Variants in DAPL1 observed in about 807,000 individuals in gnomAD.
DAPL1 encodes death associated protein like 1, also known as death-associated protein-like 1.
DAPL1 carries 17 observed loss-of-function variants against 12.9 expected under a neutral mutation model. That is an observed-to-expected ratio of 1.32 (90% CI 0.90 to 1.98). The LOEUF (loss-of-function observed/expected upper bound fraction) is 1.98, where lower values mean the gene tolerates loss of function less well. Ranked by LOEUF, DAPL1 falls within the 30% of genes most tolerant of loss-of-function variation. The pLI is 0.00. For missense variants in DAPL1, 157 were observed against 125.7 expected, an observed-to-expected ratio of 1.25 and a Z score of -1.19; for synonymous variants, 51 against 42.0, an observed-to-expected ratio of 1.21 and a Z score of -0.82.
chr2:158,813,501 A>G (rs560646542), intron 3 of DAPL1, among the ~76,000 whole-genome samples: 1 of 152,160 alleles, frequency 6.6e-6, no homozygotes, highest in South Asian at 2.1e-4. Context: ...TTAGTGCCCA[A>G]CTAAGCAGCA....
chr2:158,814,278 A>G (rs2059248057), intron 3 of DAPL1, among the ~76,000 whole-genome samples: 1 of 152,206 alleles, frequency 6.6e-6, no homozygotes, highest in Admixed American at 6.5e-5. Context: ...GTCTGATGAT[A>G]ACTGACCTGA....
intron 3 of DAPL1, among the ~76,000 whole-genome samples, chr2:158,809,357 C>CAA (rs10526986): frequency 2.7e-4 from 19 of 69,528 alleles, no homozygotes; most frequent in African/African-American, 7.1e-4. Flanking sequence ...GACTCCATCT[C>CAA]AAAAAAAAAA....
rs113882243 is a variant in DAPL1 at position 158,803,259 on chromosome 2, T to A, written c.59-1023T>A. 1.1e-3 allele frequency among the ~76,000 whole-genome samples: 169 copies of A among 152,330 alleles called. 1 individual carries two copies. Among genetic ancestry groups the A allele is most frequent in the African/African-American group, 3.8e-3 (157 of 41,588 alleles). On this transcript the variant is annotated intron_variant, in intron 1 of 3. Transcript: ENST00000309950. ...GGGAGACTGCAGACCTTTTTATGGCTTTTGAATTTTGGGCCTTATGCAGAT... is the reference window on the plus strand; with the variant it reads ...GGGAGACTGCAGACCTTTTTATGGCATTTGAATTTTGGGCCTTATGCAGAT...
intron 1 of DAPL1, among the ~76,000 whole-genome samples, chr2:158,796,844 T>C (rs1002828735): frequency 3.3e-5 from 5 of 152,148 alleles, no homozygotes; most frequent in African/African-American, 1.2e-4. Context: ...ATCAAGCATG[T>C]CACAATGCCT....
intron 3 of DAPL1, among the ~76,000 whole-genome samples, chr2:158,810,203 A>T (rs949337500): frequency 2.0e-5 from 3 of 152,206 alleles, no homozygotes; most frequent in African/African-American, 7.2e-5. Context: ...ATGAATCGAT[A>T]TATAAAAGAT....
chr2:158,797,790 T>C (rs2059143112), intron 1 of DAPL1, among the ~76,000 whole-genome samples: 1 of 140,396 alleles, frequency 7.1e-6, no homozygotes, highest in African/African-American at 2.5e-5. Flanking sequence ...AGACCCCGTC[T>C]GAAAAAAAAA....
intron 2 of DAPL1, 49 bp downstream of exon 2, chr2:158,804,418 T>C: frequency 7.3e-7 from 1 of 1,370,036 alleles, no homozygotes; most frequent in East Asian, 2.4e-5. Context: ...TTTGAGTGAC[T>C]CTGCCTCCAG....
At chr2:158,813,428 A>G (rs1201906906) in intron 3 of DAPL1, among the ~76,000 whole-genome samples, 2 of 152,168 alleles carry the variant, frequency 1.3e-5, no homozygotes, top group South Asian at 2.1e-4. Context: ...CAATTTTTTT[A>G]TATGCCCAAA....
chr2:158,804,604 C>T (rs1250487534), intron 2 of DAPL1, among the ~76,000 whole-genome samples: 1 of 152,186 alleles, frequency 6.6e-6, no homozygotes, highest in Non-Finnish European at 1.5e-5. Flanking sequence ...CACCCATTCT[C>T]CTCCTGTCTG....
intron 2 of DAPL1, among the ~76,000 whole-genome samples, chr2:158,805,137 C>T (rs1004350598): frequency 3.9e-5 from 6 of 152,312 alleles, no homozygotes; most frequent in African/African-American, 1.4e-4. Flanking sequence ...ATGCTCCAGG[C>T]ACCTCCATAA....
intron 1 of DAPL1, among the ~76,000 whole-genome samples, chr2:158,802,362 T>C (rs1396782078): frequency 6.6e-6 from 1 of 152,210 alleles, no homozygotes; most frequent in African/African-American, 2.4e-5. Context: ...GAAAATCACC[T>C]CCATCTTAGA....
intron 1 of DAPL1, among the ~76,000 whole-genome samples, chr2:158,801,376 T>G: frequency 6.6e-6 from 1 of 152,188 alleles, no homozygotes; most frequent in Admixed American, 6.5e-5. Context: ...TTCTTAGCAT[T>G]AAGCAACAGT....
intron 3 of DAPL1, among the ~76,000 whole-genome samples, chr2:158,815,232 G>GA: frequency 6.6e-6 from 1 of 152,060 alleles, no homozygotes; most frequent in Non-Finnish European, 1.5e-5. Flanking sequence ...TTTTTGACCT[G>GA]AAAAAATAGC....
At chr2:158,809,120 C>G (rs984996786) in intron 3 of DAPL1, among the ~76,000 whole-genome samples, 1 of 151,786 alleles carries the variant, frequency 6.6e-6, no homozygotes, top group Non-Finnish European at 1.5e-5. Flanking sequence ...CAGCACTTTG[C>G]GAGGCTGATG....
chr2:158,804,784 A>G (rs1226706514), intron 2 of DAPL1, among the ~76,000 whole-genome samples: 1 of 152,242 alleles, frequency 6.6e-6, no homozygotes, highest in Non-Finnish European at 1.5e-5. Context: ...TTAAAAATAA[A>G]TGTCTTTTTT....
chr2:158,807,093 C>T lies in DAPL1; in HGVS notation c.185C>T (p.Ala62Val). 6.2e-7 allele frequency: 1 copy of T among 1,610,820 alleles called. No homozygotes were observed. The highest frequency in any genetic ancestry group is 8.5e-7 in the Non-Finnish European group (1 of 1,177,912). The change falls in exon 3 of 4, where the codon GCC becomes GTC. Residue 62 changes from alanine (A) to valine (V), a missense_variant. Transcript: ENST00000309950. ...GTTGCCAAAATACAGACACTGGATG[C>T]CCTGAATGACGCACTGGAGAAGGTG... The part of the protein sequence containing the change: ...ANVAKIQTLD[A>V]LNDALEKLNY...
chr2:158,806,598 G>T (rs1422589858), intron 2 of DAPL1, among the ~76,000 whole-genome samples: 1 of 152,064 alleles, frequency 6.6e-6, no homozygotes, highest in Non-Finnish European at 1.5e-5. Flanking sequence ...ACTTTGGGAG[G>T]CTGAGGCGAG....
intron 3 of DAPL1, among the ~76,000 whole-genome samples, chr2:158,807,966 A>G (rs1379732674): frequency 6.6e-6 from 1 of 152,172 alleles, no homozygotes; most frequent in East Asian, 1.9e-4. Context: ...AATTCCTTCT[A>G]GGTAGTTCTA....
chr2:158,809,707 T>A (rs1046883091), intron 3 of DAPL1, among the ~76,000 whole-genome samples: 3 of 152,194 alleles, frequency 2.0e-5, no homozygotes, highest in Non-Finnish European at 2.9e-5. Context: ...GCAAGTGATA[T>A]CTTCTGTTCC....
Sources: allele counts gnomAD v4.1 joint callset (sites outside exome capture counted in the v4.1 genomes callset), GRCh38; gene constraint gnomAD v4.1.1; transcripts MANE v1.5; gene names NCBI Gene and HGNC (gene_info 2026-07-23, HGNC 2026-07-21).